The following SRGAP3 variants were observed in gnomAD, a reference collection of about 807,000 sequenced individuals.
SRGAP3 encodes SLIT-ROBO Rho GTPase activating protein 3.
Under a neutral mutation model 121.1 loss-of-function variants are expected in SRGAP3, and 39 were observed. The ratio of observed to expected loss-of-function variants is 0.32; its 90% CI spans 0.25 to 0.42. The LOEUF is 0.42. Ranked by LOEUF, SRGAP3 falls within the 10% of genes least tolerant of loss-of-function variation. The pLI, the probability that SRGAP3 is intolerant of heterozygous loss-of-function variation, is 1.00. For synonymous variants in SRGAP3, 601 were observed against 570.0 expected, an observed-to-expected ratio of 1.05 and a Z score of -0.77; for missense variants, 1,213 against 1,470.6, an observed-to-expected ratio of 0.82 and a Z score of 2.86.
intron 1 of SRGAP3, among the ~76,000 whole-genome samples, chr3:9,356,150 A>G (rs558450578): frequency 4.7e-5 from 7 of 150,092 alleles, no homozygotes; most frequent in East Asian, 3.9e-4. Flanking sequence ...GGATAGAGAG[A>G]TATTTCCTGA....
At chr3:9,298,613 GA>G (rs775398680) in intron 3 of SRGAP3, among the ~76,000 whole-genome samples, 5 of 152,106 alleles carry the variant, frequency 3.3e-5, no homozygotes, top group Non-Finnish European at 7.3e-5. Context: ...CAATGCAGAG[GA>G]AATGATGTCC....
chr3:9,286,013 G>T (rs539038170), intron 3 of SRGAP3, among the ~76,000 whole-genome samples: 1 of 151,968 alleles, frequency 6.6e-6, no homozygotes, highest in African/African-American at 2.4e-5. Flanking sequence ...CTGGGAGGCT[G>T]AAGTGAGTAG....
chr3:9,192,292 A>G (rs771498698), intron 1 of SRGAP3, among the ~76,000 whole-genome samples: 1 of 152,184 alleles, frequency 6.6e-6, no homozygotes, highest in African/African-American at 2.4e-5. Flanking sequence ...GCCACCCCAC[A>G]TAGTTTATGC....
intron 1 of SRGAP3, among the ~76,000 whole-genome samples, chr3:9,228,261 C>T (rs576132109): frequency 9.9e-5 from 15 of 152,252 alleles, no homozygotes; most frequent in Non-Finnish European, 2.2e-4. Context: ...TCAGCTCTGG[C>T]TGATTGGTTA....
At chr3:9,073,359 G>A (rs1020212310) in intron 4 of SRGAP3, among the ~76,000 whole-genome samples, 6 of 152,220 alleles carry the variant, frequency 3.9e-5, no homozygotes, top group African/African-American at 1.4e-4. Flanking sequence ...TGCCCAGGCT[G>A]GTCTTGAACT....
intron 1 of SRGAP3, among the ~76,000 whole-genome samples, chr3:9,344,788 G>A (rs1955855158): frequency 6.6e-6 from 1 of 152,184 alleles, no homozygotes; most frequent in African/African-American, 2.4e-5. Context: ...TGTAATCCCA[G>A]CACTTTGGGA....
chr3:8,998,675 G>T (rs1170197325), intron 18 of SRGAP3, among the ~76,000 whole-genome samples: 3 of 152,124 alleles, frequency 2.0e-5, no homozygotes, highest in African/African-American at 7.2e-5. Context: ...TTAGGACAGA[G>T]ATTTTCTTTT....
rs182577568 is a variant in SRGAP3, at chr3:9,097,783, G to A, written c.423+6897C>T. Among the ~76,000 whole-genome samples the A allele has an allele frequency of 2.6e-5, 4 of 152,224 alleles. No individual in the cohort carries two copies. The East Asian group carries it at 7.7e-4, about 29-fold the overall frequency. ...TCAAGCCCACAGCCTCTTTTAGAGGGAGCCCACATCCAATGACTACCCAAC... is the reference window on the plus strand; with the variant it reads ...TCAAGCCCACAGCCTCTTTTAGAGGAAGCCCACATCCAATGACTACCCAAC... On this transcript the variant is annotated intron_variant, in intron 3 of 21. Transcript: ENST00000383836.
At chr3:9,149,803 C>T (rs1474719867) in intron 1 of SRGAP3, among the ~76,000 whole-genome samples, 1 of 152,234 alleles carries the variant, frequency 6.6e-6, no homozygotes, top group Admixed American at 6.5e-5. Context: ...TTACTGATGT[C>T]ACCAAGGTGA....
chr3:9,068,342 C>G lies in SRGAP3; in HGVS notation c.487-3761G>C, dbSNP rs149678128. 3.2e-4 allele frequency among the ~76,000 whole-genome samples: 48 copies of G among 152,268 alleles called. 1 individual carries two copies. In the East Asian group the frequency reaches 7.7e-3, roughly 24 times the overall value. ...TCCCACATATCCTTTGCCTAGTTTTCTTTTTTTATTTTCTCTCCCTTTACA... is the reference window on the plus strand; with the variant it reads ...TCCCACATATCCTTTGCCTAGTTTTGTTTTTTTATTTTCTCTCCCTTTACA... On this transcript the variant is annotated intron_variant, in intron 4 of 21. Transcript: ENST00000383836.
At chr3:9,123,633 A>T (rs530076631) in intron 2 of SRGAP3, among the ~76,000 whole-genome samples, 1 of 151,772 alleles carries the variant, frequency 6.6e-6, no homozygotes, top group Non-Finnish European at 1.5e-5. Flanking sequence ...TGAACCCGGG[A>T]GTTGGAGATT....
At chr3:9,177,627 T>C (rs1224374083) in intron 1 of SRGAP3, among the ~76,000 whole-genome samples, 1 of 152,192 alleles carries the variant, frequency 6.6e-6, no homozygotes, top group Non-Finnish European at 1.5e-5. Context: ...CTGGCTTCAT[T>C]TGAAGACAGT....
chr3:9,088,292 G>A (rs776294456), intron 3 of SRGAP3, among the ~76,000 whole-genome samples: 5 of 152,158 alleles, frequency 3.3e-5, no homozygotes, highest in African/African-American at 9.7e-5. Flanking sequence ...GCCAAGGAGG[G>A]CTCAGCCATG....
intron 1 of SRGAP3, among the ~76,000 whole-genome samples, chr3:9,212,895 C>T (rs536053114): frequency 6.8e-4 from 104 of 152,300 alleles, no homozygotes; most frequent in South Asian, 4.1e-3. Context: ...CAGAGCCTCC[C>T]GGGAAACCAG....
Position 9,185,946 on chromosome 3 carries a change from T to C in SRGAP3, c.68-61029A>G, listed in dbSNP as rs114169683. Among the ~76,000 whole-genome samples the C allele has an allele frequency of 3.7e-3, 570 of 152,246 alleles. 5 individuals carry two copies. The highest frequency in any genetic ancestry group is 0.013 in the African/African-American group (522 of 41,536). ...CCAAATGCTCCCAGGAGGATTCAGT[T>C]GAGCGGCCAGGAGTGGGCAGGCACA... is the stretch of plus-strand genomic sequence containing the variant. On this transcript the variant is annotated intron_variant, in intron 1 of 21. Coordinates refer to ENST00000383836, the MANE Select transcript of SRGAP3 (RefSeq NM_014850.4).
chr3:9,230,708 A>G (rs1953171312), intron 1 of SRGAP3, among the ~76,000 whole-genome samples: 1 of 152,070 alleles, frequency 6.6e-6, no homozygotes, highest in African/African-American at 2.4e-5. Context: ...TGTCTCTACA[A>G]AATTTTTTTT....
chr3:9,154,202 C>A (rs964504748), intron 1 of SRGAP3, among the ~76,000 whole-genome samples: 1 of 152,150 alleles, frequency 6.6e-6, no homozygotes, highest in African/African-American at 2.4e-5. Context: ...TCCCATCACA[C>A]CACACACTCT....
At chr3:9,112,977 TAAAG>T (rs1304152464) in intron 2 of SRGAP3, among the ~76,000 whole-genome samples, 2 of 152,144 alleles carry the variant, frequency 1.3e-5, no homozygotes, top group Non-Finnish European at 2.9e-5. Flanking sequence ...AGCACAGTGA[TAAAG>T]AAGAGCATTC....
In SRGAP3 at chr3:8,980,787, G is replaced by A. The variant is rs1941375377; in HGVS notation, c.*4732C>T. ...CAGGCAACCAGCAATTTCCTAGGGT[G>A]GTTTTGGTCTGTTTTTCCTGTCACA... On this transcript the variant is annotated 3_prime_UTR_variant, in exon 22 of 22. Transcript: ENST00000383836. 1 of 232,856 alleles carries A rather than the reference G, an allele frequency of 4.3e-6. No individual in the cohort carries two copies. 14.4% of individuals were successfully genotyped at this position (232,856 alleles called of 1,614,324 possible). A position where few individuals can be genotyped will look rare whatever the true frequency, so the allele number is the denominator to read the frequency against.
Sources: gnomAD v4.1 joint callset for allele counts (sites outside exome capture counted in the v4.1 genomes callset) on GRCh38, gnomAD v4.1.1 for gene constraint, MANE v1.5 for transcripts, NCBI Gene and HGNC (gene_info 2026-07-23, HGNC 2026-07-21) for gene names.